Variants in STX8 observed in about 807,000 individuals in gnomAD.
STX8 encodes the protein syntaxin-8.
STX8 carries 23 observed loss-of-function variants against 37.5 expected under a neutral mutation model. The observed-to-expected ratio is 0.61, with a 90% CI of 0.44 to 0.87. The LOEUF (loss-of-function observed/expected upper bound fraction) is 0.87. STX8 is among the 40% of genes least tolerant of loss of function. STX8 has a pLI of 0.00. For missense variants in STX8, 313 were observed against 284.7 expected (o/e 1.10, Z -0.71); for synonymous variants, 115 against 99.1 (o/e 1.16, Z -0.95).
At chr17:9,565,155 C>T (rs1907403593) in intron 2 of STX8, among the ~76,000 whole-genome samples, 1 of 152,198 alleles carries the variant, frequency 6.6e-6, no homozygotes. Flanking sequence ...TTGCAGTGAG[C>T]CAGGATCGTG....
At chr17:9,400,279 T>G (rs1441797043) in intron 6 of STX8, among the ~76,000 whole-genome samples, 1 of 149,452 alleles carries the variant, frequency 6.7e-6, no homozygotes, top group Non-Finnish European at 1.5e-5. Context: ...ATTTTTTGTA[T>G]TTTTAATAGA....
chr17:9,427,127 G>T (rs954980925), intron 6 of STX8, among the ~76,000 whole-genome samples: 1 of 152,174 alleles, frequency 6.6e-6, no homozygotes, highest in Non-Finnish European at 1.5e-5. Context: ...CAAAGAGAAT[G>T]AATTCCAAAA....
chr17:9,521,110 CAAT>C (rs1905323262), intron 4 of STX8, among the ~76,000 whole-genome samples: 1 of 152,156 alleles, frequency 6.6e-6, no homozygotes, highest in African/African-American at 2.4e-5. Context: ...GCTCAAATTT[CAAT>C]TAGAAATAGA....
intron 7 of STX8, among the ~76,000 whole-genome samples, chr17:9,305,053 C>T (rs958808597): frequency 4.0e-5 from 6 of 151,576 alleles, no homozygotes; most frequent in Admixed American, 6.6e-5. Context: ...TTTTCACTTT[C>T]GGTATAGTAT....
At chr17:9,266,382 C>T (rs1427023224) in intron 7 of STX8, among the ~76,000 whole-genome samples, 1 of 152,266 alleles carries the variant, frequency 6.6e-6, no homozygotes, top group East Asian at 1.9e-4. Context: ...CTCAGATGGC[C>T]CTTCTGGACT....
chr17:9,404,366 G>T lies in STX8; in HGVS notation c.542-25713C>A, dbSNP rs556601647. 9.9e-5 allele frequency among the ~76,000 whole-genome samples: 15 copies of T among 152,164 alleles called. 1 individual carries two copies. The highest frequency in any genetic ancestry group is 7.2e-4 in the Admixed American group (11 of 15,280). On this transcript the variant is annotated intron_variant, in intron 6 of 7. Transcript: ENST00000306357. ...TTTGCTTTTTCATTTCTCTAAAAAT[G>T]TTTCTATATGATACCAATCCTTCTT... is the stretch of plus-strand genomic sequence containing the variant.
At chr17:9,386,816 C>G (rs545703925) in intron 6 of STX8, among the ~76,000 whole-genome samples, 1 of 152,266 alleles carries the variant, frequency 6.6e-6, no homozygotes, top group South Asian at 2.1e-4. Context: ...TTATTCTGAG[C>G]TAAAATTCTG....
chr17:9,445,518 G>GGGGGGGGGGGGGA (rs1904812575), intron 6 of STX8, among the ~76,000 whole-genome samples: 2 of 96 alleles, frequency 0.021, no homozygotes, highest in Non-Finnish European at 0.05. Flanking sequence ...GGAGGGGGTT[G>GGGGGGGGGGGGGA]GGGGGTGGGG....
At chr17:9,448,296 TG>T (rs1904923387) in intron 6 of STX8, among the ~76,000 whole-genome samples, 1 of 152,168 alleles carries the variant, frequency 6.6e-6, no homozygotes, top group Non-Finnish European at 1.5e-5. Flanking sequence ...GAGTCATTCG[TG>T]AACATGCACA....
intron 6 of STX8, among the ~76,000 whole-genome samples, chr17:9,415,434 T>C (rs534230443): frequency 6.6e-6 from 1 of 152,232 alleles, no homozygotes; most frequent in South Asian, 2.1e-4. Flanking sequence ...CTCTACATAC[T>C]CTAGTGAACC....
At chr17:9,541,748 C>T (rs948660455) in intron 4 of STX8, among the ~76,000 whole-genome samples, 2 of 152,126 alleles carry the variant, frequency 1.3e-5, no homozygotes, top group Non-Finnish European at 2.9e-5. Flanking sequence ...GAGCCTGTTT[C>T]TCTTCTGCAA....
chr17:9,500,868 G>A (rs946699726), intron 5 of STX8, among the ~76,000 whole-genome samples: 2 of 152,076 alleles, frequency 1.3e-5, no homozygotes, highest in African/African-American at 2.4e-5. Context: ...AGCCGCGCGT[G>A]GTGGCGGGCA....
chr17:9,380,447 C>A (rs1911757549), intron 6 of STX8, among the ~76,000 whole-genome samples: 1 of 151,618 alleles, frequency 6.6e-6, no homozygotes, highest in Non-Finnish European at 1.5e-5. Flanking sequence ...AGAGACCAGG[C>A]CCTGCTATGT....
rs143465072 is a variant in STX8 at position 9,421,121 on chromosome 17, T to G, written c.542-42468A>C. 8.9e-3 allele frequency among the ~76,000 whole-genome samples: 1,356 copies of G among 152,202 alleles called. 26 individuals carry two copies. The highest frequency in any genetic ancestry group is 0.068 in the South Asian group (326 of 4,820). On this transcript the variant is annotated intron_variant, in intron 6 of 7. Transcript: ENST00000306357. ...TATAGAATTTTTTTTGGCTGGGCAC[T>G]GTGGCTCACACCTGTAATCCCAGCA...
chr17:9,451,555 T>C (rs1046987350), intron 6 of STX8, among the ~76,000 whole-genome samples: 1 of 152,164 alleles, frequency 6.6e-6, no homozygotes, highest in Non-Finnish European at 1.5e-5. Context: ...TCAGTAAAAG[T>C]TCCTATTCCA....
chr17:9,282,155 T>C lies in STX8; in HGVS notation c.644-31510A>G, dbSNP rs188909921. ...TGTTTTGTTTTGTTTTGTTTTGAGA[T>C]GGAGTCTGGCTCTGTCACCCAGGCT... On this transcript the variant is annotated intron_variant, in intron 7 of 7. Transcript: ENST00000306357. Among the ~76,000 whole-genome samples the C allele has an allele frequency of 3.0e-3, 459 of 152,308 alleles. 11 individuals are homozygous for C. The highest frequency in any genetic ancestry group is 0.027 in the Admixed American group (416 of 15,292).
intron 7 of STX8, among the ~76,000 whole-genome samples, chr17:9,314,126 T>C (rs544916801): frequency 1.3e-5 from 2 of 152,328 alleles, no homozygotes; most frequent in East Asian, 3.9e-4. Flanking sequence ...TGTATTTTTT[T>C]CCCAGCAACC....
chr17:9,449,426 G>A lies in STX8; in HGVS notation c.541+42403C>T, dbSNP rs1009312244. 3.3e-5 allele frequency among the ~76,000 whole-genome samples: 5 copies of A among 152,204 alleles called. No homozygotes were observed. The South Asian group carries it at 6.2e-4, about 19-fold the overall frequency. ...ATACAAAAAATTAGCCGGACATGGCGGCGGGCGCCTGTAGTCCCAGCTACT... is the reference window on the plus strand; with the variant it reads ...ATACAAAAAATTAGCCGGACATGGCAGCGGGCGCCTGTAGTCCCAGCTACT... On this transcript the variant is annotated intron_variant, in intron 6 of 7. Transcript: ENST00000306357.
At chr17:9,324,589 C>T (rs1909693493) in intron 7 of STX8, among the ~76,000 whole-genome samples, 1 of 151,776 alleles carries the variant, frequency 6.6e-6, no homozygotes, top group Non-Finnish European at 1.5e-5. Flanking sequence ...ATGGTGAAAC[C>T]CTGTCTCTAC....
Sources: allele counts gnomAD v4.1 joint callset (sites outside exome capture counted in the v4.1 genomes callset), GRCh38; gene constraint gnomAD v4.1.1; transcripts MANE v1.5; gene names NCBI Gene and HGNC (gene_info 2026-07-23, HGNC 2026-07-21).